The following KCNG3 variants were observed in gnomAD, a reference collection of about 807,000 sequenced individuals.
The protein encoded by KCNG3 is potassium voltage-gated channel modifier subfamily G member 3.
Under a neutral mutation model 29.0 loss-of-function variants are expected in KCNG3, and 15 were observed. That is an observed-to-expected ratio of 0.52 (90% CI 0.35 to 0.80). The LOEUF is 0.80. Ranked by LOEUF, KCNG3 falls within the 30% of genes least tolerant of loss-of-function variation. The probability of loss-of-function intolerance (pLI) is 0.01; values close to 1 mark genes in which losing one functional copy is unlikely to be tolerated. For synonymous variants in KCNG3, 322 were observed against 248.9 expected, an observed-to-expected ratio of 1.29 and a Z score of -2.76; for missense variants, 512 against 605.7, an observed-to-expected ratio of 0.85 and a Z score of 1.62.
the KCNG3 span, among the ~76,000 whole-genome samples, chr2:42,396,480 C>A: frequency 6.6e-6 from 1 of 152,126 alleles, no homozygotes; most frequent in Non-Finnish European, 1.5e-5. Flanking sequence ...CAAAAACAGT[C>A]AGGGAATGAC....
chr2:42,493,325 G>A lies in KCNG3; in HGVS notation c.177C>T (p.Asn59=), dbSNP rs771404384. 3 of 1,606,572 alleles carry A rather than the reference G, an allele frequency of 1.9e-6. No homozygotes were observed. Among genetic ancestry groups the A allele is most frequent in the Admixed American group, 3.4e-5 (2 of 59,344 alleles). Reference sequence around the variant, plus strand: ...CCGAGTGCCGGTCGAAGAAGTACTCGTTGCGCTCGCGGTCGTAGTCGTCGC... The same window carrying A: ...CCGAGTGCCGGTCGAAGAAGTACTCATTGCGCTCGCGGTCGTAGTCGTCGC... ...EVCDDYDRER[N]EYFFDRHSEA... Residue 59 remains asparagine (N), a synonymous_variant, in exon 1 of 2, where the codon AAC becomes AAT. Coordinates refer to ENST00000306078, the MANE Select transcript of KCNG3 (RefSeq NM_133329.6).
At chr2:42,418,425 T>C in the KCNG3 span, among the ~76,000 whole-genome samples, 1 of 152,228 alleles carries the variant, frequency 6.6e-6, no homozygotes, top group African/African-American at 2.4e-5. Flanking sequence ...AAAAACATAC[T>C]ATTAGAGAAA....
the KCNG3 span, among the ~76,000 whole-genome samples, chr2:42,410,925 T>G: frequency 2.8e-4 from 43 of 152,330 alleles, no homozygotes; most frequent in Non-Finnish European, 4.6e-4. Flanking sequence ...TATGGCTTTA[T>G]GTTGTACATT....
chr2:42,456,978 C>G (rs1174642901), intron 1 of KCNG3, among the ~76,000 whole-genome samples: 1 of 152,096 alleles, frequency 6.6e-6, no homozygotes, highest in Admixed American at 6.5e-5. Flanking sequence ...TTCTTACACA[C>G]TTTAATTATC....
chr2:42,483,395 A>C (rs1009352631), intron 1 of KCNG3, among the ~76,000 whole-genome samples: 1 of 152,174 alleles, frequency 6.6e-6, no homozygotes, highest in African/African-American at 2.4e-5. Context: ...ACTCACACCA[A>C]TTTGCAAGGA....
intron 1 of KCNG3, among the ~76,000 whole-genome samples, chr2:42,455,007 T>C (rs1672844523): frequency 6.6e-6 from 1 of 152,204 alleles, no homozygotes; most frequent in Admixed American, 6.6e-5. Context: ...CACTACTAAA[T>C]GGTATACTTA....
intron 1 of KCNG3, among the ~76,000 whole-genome samples, chr2:42,449,247 A>G (rs1283805923): frequency 1.3e-5 from 2 of 151,864 alleles, no homozygotes; most frequent in East Asian, 3.9e-4. Flanking sequence ...TTATTTTTTT[A>G]TTTTTCTTAA....
intron 1 of KCNG3, among the ~76,000 whole-genome samples, chr2:42,487,245 G>A (rs1673747887): frequency 6.6e-6 from 1 of 150,846 alleles, no homozygotes. Context: ...CAGCTACTAT[G>A]TTTTAGGCAA....
At chr2:42,490,409 C>T (rs1439242930) in intron 1 of KCNG3, among the ~76,000 whole-genome samples, 4 of 152,048 alleles carry the variant, frequency 2.6e-5, no homozygotes, top group African/African-American at 9.7e-5. Flanking sequence ...AACCCCATCT[C>T]TACTAAAAAT....
At chr2:42,461,091 G>T (rs1002967984) in intron 1 of KCNG3, among the ~76,000 whole-genome samples, 1 of 150,314 alleles carries the variant, frequency 6.7e-6, no homozygotes, top group East Asian at 2.0e-4. Context: ...AACTCAGGAG[G>T]TGGAGCTTGC....
At chr2:42,463,853 G>C (rs539164451) in intron 1 of KCNG3, 22 of 271,268 alleles carry the variant, frequency 8.1e-5, no homozygotes, top group Admixed American at 1.8e-4. Context: ...GGTGGCCTCA[G>C]TGTTGGCTGA....
At chr2:42,406,622 C>T in the KCNG3 span, among the ~76,000 whole-genome samples, 1 of 150,350 alleles carries the variant, frequency 6.7e-6, no homozygotes, top group Non-Finnish European at 1.5e-5. Context: ...GTCAGGAGTT[C>T]GAGACCAGCC....
chr2:42,493,466 C>T lies in KCNG3; in HGVS notation c.36G>A (p.Val12=), dbSNP rs1437996426. Residue 12 remains valine, a synonymous_variant, in exon 1 of 2, where the codon GTG becomes GTA. Coordinates refer to ENST00000306078, the MANE Select transcript of KCNG3 (RefSeq NM_133329.6). ...TFGRSGAASV[V]LNVGGARYSL... is the part of the protein sequence containing the mutation. Reference sequence around the variant, plus strand: ...AATACCGGGCGCCGCCCACGTTCAGCACCACCGAGGCCGCCCCGCTGCGCC... The same window carrying T: ...AATACCGGGCGCCGCCCACGTTCAGTACCACCGAGGCCGCCCCGCTGCGCC... 2.1e-6 allele frequency: 3 copies of T among 1,449,814 alleles called. No homozygotes were observed. In the Admixed American group the frequency reaches 8.1e-5, roughly 39 times the overall value. The allele number at this position is 1,449,814 out of a possible 1,614,324, so 89.8% of individuals were successfully genotyped here.
the KCNG3 span, among the ~76,000 whole-genome samples, chr2:42,419,725 TTCTGGC>T: frequency 6.6e-6 from 1 of 152,220 alleles, no homozygotes; most frequent in Non-Finnish European, 1.5e-5. Flanking sequence ...TTATTTCATG[TTCTGGC>T]TCTGTAGACA....
intron 1 of KCNG3, among the ~76,000 whole-genome samples, chr2:42,484,130 T>C (rs1453514218): frequency 2.0e-5 from 3 of 152,138 alleles, no homozygotes; most frequent in Non-Finnish European, 2.9e-5. Flanking sequence ...GGCCAATTGC[T>C]GAACAAGATC....
chr2:42,435,274 C>G, the KCNG3 span, among the ~76,000 whole-genome samples: 1 of 152,166 alleles, frequency 6.6e-6, no homozygotes, highest in Admixed American at 6.5e-5. Context: ...TTGCACTTCA[C>G]TCCAGGCTGG....
At chr2:42,408,265 C>T in the KCNG3 span, among the ~76,000 whole-genome samples, 1 of 152,170 alleles carries the variant, frequency 6.6e-6, no homozygotes. Context: ...GGTGAGGCCC[C>T]ACCTTCAGGC....
rs576348996 is a variant in KCNG3, at chr2:42,460,122, G to C, written c.666-15543C>G. On this transcript the variant is annotated intron_variant, in intron 1 of 1. Coordinates refer to ENST00000306078, the MANE Select transcript of KCNG3 (RefSeq NM_133329.6). The stretch of plus-strand genomic sequence containing the variant: ...CTTACATCTGTAATCCCAGCACTTT[G>C]AGAGGTTGAGGTGGGAGGACTTCTT... Among the ~76,000 whole-genome samples, 504 of 152,216 alleles carry C rather than the reference G, an allele frequency of 3.3e-3. 2 individuals carry two copies. The highest frequency in any genetic ancestry group is 0.011 in the African/African-American group (470 of 41,530).
the KCNG3 span, among the ~76,000 whole-genome samples, chr2:42,400,743 T>C: frequency 1.3e-5 from 2 of 152,138 alleles, no homozygotes; most frequent in African/African-American, 4.8e-5. Context: ...CCGGAGTTTT[T>C]ATCCAGGAGC....
Sources: gnomAD v4.1 joint callset for allele counts (sites outside exome capture counted in the v4.1 genomes callset) on GRCh38, gnomAD v4.1.1 for gene constraint, MANE v1.5 for transcripts, NCBI Gene and HGNC (gene_info 2026-07-23, HGNC 2026-07-21) for gene names.